Variants in NLGN4X observed in about 807,000 individuals in gnomAD.
NLGN4X encodes the protein neuroligin-4, X-linked.
Under a neutral mutation model 40.3 loss-of-function variants are expected in NLGN4X, and 3 were observed. The observed-to-expected ratio is 0.07, with a 90% CI of 0.03 to 0.19. The LOEUF is 0.19. NLGN4X is among the 10% of genes least tolerant of loss of function. The pLI, the probability that NLGN4X is intolerant of heterozygous loss-of-function variation, is 1.00. For missense variants in NLGN4X, 382 were observed against 708.3 expected, an observed-to-expected ratio of 0.54 and a Z score of 5.23; for synonymous variants, 270 against 306.8, an observed-to-expected ratio of 0.88 and a Z score of 1.25.
At chrX:5,997,622 A>ACACG (rs1464281660) in intron 3 of NLGN4X, among the ~76,000 whole-genome samples, 1 of 30,289 alleles carries the variant, frequency 3.3e-5, no homozygotes, top group Non-Finnish European at 5.6e-5. Flanking sequence ...ACACATATAT[A>ACACG]TATATATATA....
At chrX:6,139,638 T>A (rs1206159043) in intron 2 of NLGN4X, among the ~76,000 whole-genome samples, 1 of 111,981 alleles carries the variant, frequency 8.9e-6, no homozygotes, top group African/African-American at 3.2e-5. Flanking sequence ...ATAGAAAACA[T>A]CCACTTTCAG....
intron 1 of NLGN4X, among the ~76,000 whole-genome samples, chrX:6,205,034 A>G (rs1923918050): frequency 9.0e-6 from 1 of 111,422 alleles, no homozygotes; most frequent in South Asian, 3.8e-4. Context: ...TATCCCTTTT[A>G]TCACTAAAAG....
intron 1 of NLGN4X, among the ~76,000 whole-genome samples, chrX:6,215,338 G>T (rs771143172): frequency 9.1e-6 from 1 of 110,462 alleles, no homozygotes; most frequent in Non-Finnish European, 1.9e-5. Flanking sequence ...ATCACCTGAG[G>T]TCGGGAGTTC....
intron 2 of NLGN4X, among the ~76,000 whole-genome samples, chrX:6,132,541 A>G (rs2039703662): frequency 9.0e-6 from 1 of 111,402 alleles, no homozygotes; most frequent in Non-Finnish European, 1.9e-5. Context: ...ACAACCAACA[A>G]TATCTCTAGA....
chrX:6,130,259 C>T (rs1315651711), intron 2 of NLGN4X, among the ~76,000 whole-genome samples: 2 of 111,419 alleles, frequency 1.8e-5, no homozygotes, highest in Non-Finnish European at 3.8e-5. Context: ...GATTTTCCCT[C>T]ACTCCTTCAT....
At chrX:6,139,895 A>G (rs1473216541) in intron 2 of NLGN4X, among the ~76,000 whole-genome samples, 2 of 111,818 alleles carry the variant, frequency 1.8e-5, no homozygotes, top group Admixed American at 9.6e-5. Flanking sequence ...TAAAGAAAAT[A>G]AGGAATGGAA....
chrX:5,892,967 C>A lies in NLGN4X; in HGVS notation c.2301G>T (p.Ser767=), dbSNP rs773004622. ...GCGTCATAAGTGGGATGTCATCTGGCGACCGGCGCAGCGTGAGGGTGTAGT... is the reference window on the plus strand; with the variant it reads ...GCGTCATAAGTGGGATGTCATCTGGAGACCGGCGCAGCGTGAGGGTGTAGT... ...PPDYTLTLRR[S]PDDIPLMTPN... is the part of the protein sequence containing the mutation. The change falls in exon 6 of 6, where the codon TCG becomes TCT. Residue 767 remains serine (S), a synonymous_variant. Transcript: ENST00000381095. 3 of 1,209,349 alleles carry A rather than the reference C, an allele frequency of 2.5e-6. No homozygotes were observed. The highest frequency in any genetic ancestry group is 3.4e-6 in the Non-Finnish European group (3 of 895,153).
intron 1 of NLGN4X, among the ~76,000 whole-genome samples, chrX:6,173,167 G>C (rs749170344): frequency 8.9e-6 from 1 of 112,445 alleles, no homozygotes; most frequent in East Asian, 2.8e-4. Flanking sequence ...GTGGAGAGGA[G>C]GGAAGGACCG....
chrX:5,901,548 C>T (rs112858925), intron 5 of NLGN4X, among the ~76,000 whole-genome samples: 8 of 111,133 alleles, frequency 7.2e-5, no homozygotes, highest in African/African-American at 2.6e-4. Flanking sequence ...GCAGAGAATC[C>T]GCTCAGCAGA....
intron 2 of NLGN4X, among the ~76,000 whole-genome samples, chrX:6,124,825 TG>T (rs1221851142): frequency 1.8e-5 from 2 of 112,521 alleles, no homozygotes; most frequent in African/African-American, 6.5e-5. Context: ...TTTGTGAATA[TG>T]TCTATGTATG....
At chrX:6,147,092 G>A (rs1436475154) in intron 2 of NLGN4X, among the ~76,000 whole-genome samples, 1 of 112,113 alleles carries the variant, frequency 8.9e-6, no homozygotes, top group Non-Finnish European at 1.9e-5. Flanking sequence ...GTGCCTGGGC[G>A]ATAATGACTT....
chrX:6,167,611 G>A (rs1239917748), intron 1 of NLGN4X, among the ~76,000 whole-genome samples: 2 of 111,905 alleles, frequency 1.8e-5, no homozygotes, highest in Admixed American at 1.9e-4. Context: ...GTCATGCACC[G>A]GGAAGGAGTC....
chrX:6,144,667 G>A (rs919823944), intron 2 of NLGN4X, among the ~76,000 whole-genome samples: 1 of 111,057 alleles, frequency 9.0e-6, no homozygotes, highest in Non-Finnish European at 1.9e-5. Flanking sequence ...TCTTTCTCAC[G>A]TTGCTTTACA....
intron 1 of NLGN4X, among the ~76,000 whole-genome samples, chrX:6,222,139 G>A (rs1234596971): frequency 1.8e-5 from 2 of 111,205 alleles, no homozygotes; most frequent in Non-Finnish European, 3.8e-5. Flanking sequence ...TGAAAAAGGT[G>A]CCCTTAGCAA....
chrX:6,137,627 T>C, intron 2 of NLGN4X, among the ~76,000 whole-genome samples: 1 of 111,761 alleles, frequency 8.9e-6, no homozygotes, highest in Middle Eastern at 4.7e-3. Context: ...TACCTTCTCA[T>C]AGCTACTCAA....
intron 3 of NLGN4X, among the ~76,000 whole-genome samples, chrX:5,921,133 T>TTATA (rs768542616): frequency 1.5e-5 from 1 of 65,013 alleles, no homozygotes; most frequent in African/African-American, 6.7e-5. Context: ...TAAGTATTTT[T>TTATA]TATATATATA....
At chrX:5,928,480 G>A (rs1223181371) in intron 3 of NLGN4X, among the ~76,000 whole-genome samples, 8 of 111,786 alleles carry the variant, frequency 7.2e-5, no homozygotes, top group African/African-American at 9.8e-5. Flanking sequence ...CTTTTCCAGC[G>A]GAGGGGAGGG....
At chrX:6,121,145 T>TACACAC (rs763842829) in intron 2 of NLGN4X, among the ~76,000 whole-genome samples, 2 of 30,336 alleles carry the variant, frequency 6.6e-5, no homozygotes, top group Admixed American at 9.0e-4. Context: ...CACATATATA[T>TACACAC]ACATACACAC....
At chrX:6,002,558 C>T (rs182472480) in intron 3 of NLGN4X, among the ~76,000 whole-genome samples, 1 of 112,521 alleles carries the variant, frequency 8.9e-6, no homozygotes, top group East Asian at 2.8e-4. Flanking sequence ...CGTTTTTGAA[C>T]TTCCACACAA....
Sources: gnomAD v4.1 joint callset for allele counts (sites outside exome capture counted in the v4.1 genomes callset) on GRCh38, gnomAD v4.1.1 for gene constraint, MANE v1.5 for transcripts, NCBI Gene and HGNC (gene_info 2026-07-23, HGNC 2026-07-21) for gene names.